Variants in NEK11 observed in about 807,000 individuals in gnomAD.
The protein encoded by NEK11 is NIMA related kinase 11.
In NEK11, 72 loss-of-function variants were observed where a neutral mutation model predicts 80.7. The ratio of observed to expected loss-of-function variants is 0.89; its 90% CI spans 0.74 to 1.08. The LOEUF is 1.08. Among genes scored for constraint, NEK11 ranks in the 50% least tolerant of loss-of-function variants. NEK11 has a pLI of 0.00. For synonymous variants in NEK11, 251 were observed against 260.7 expected (o/e 0.96, Z 0.36); for missense variants, 764 against 763.6 (o/e 1.00, Z -0.01).
At chr3:131,168,578 G>C (rs1186211028) in intron 12 of NEK11, among the ~76,000 whole-genome samples, 1 of 151,660 alleles carries the variant, frequency 6.6e-6, no homozygotes, top group African/African-American at 2.4e-5. Context: ...GGATGGTCTC[G>C]ATCTCCTGAC....
chr3:131,122,885 A>G (rs2082636679), intron 5 of NEK11, among the ~76,000 whole-genome samples: 1 of 152,162 alleles, frequency 6.6e-6, no homozygotes, highest in Admixed American at 6.5e-5. Context: ...TTGAACCAGA[A>G]ACTGTCAGCA....
chr3:131,309,987 TAAAAAAAAAAAAAAAAAAAAAA>T (rs558210123), intron 17 of NEK11, among the ~76,000 whole-genome samples: 4 of 23,308 alleles, frequency 1.7e-4, no homozygotes, highest in Admixed American at 6.9e-4. Context: ...AGACCATGTT[TAAAAAAAAAAAAAAAAAAAAAA>T]AAAAAAAAAA....
At chr3:131,078,509 G>T (rs554391572) in intron 3 of NEK11, among the ~76,000 whole-genome samples, 27 of 151,866 alleles carry the variant, frequency 1.8e-4, no homozygotes, top group Non-Finnish European at 3.4e-4. Flanking sequence ...TGGGATGGGG[G>T]AATACTATAC....
At chr3:131,102,004 G>T (rs2078437783) in intron 4 of NEK11, among the ~76,000 whole-genome samples, 1 of 151,976 alleles carries the variant, frequency 6.6e-6, no homozygotes, top group Admixed American at 6.6e-5. Flanking sequence ...ATTTTTGTTG[G>T]TTTAAAATCT....
rs540507813 is a variant in NEK11, at chr3:131,113,266, T to C, written c.455+3345T>C. ...AATTATGAATATGCTGGGTAGAATA[T>C]GGAGAGAGAAGAAGGAGAGGGAGGA... On this transcript the variant is annotated intron_variant, in intron 5 of 17. Transcript: ENST00000383366. Among the ~76,000 whole-genome samples the C allele has an allele frequency of 7.9e-5, 12 of 151,782 alleles. No individual in the cohort carries two copies. In the South Asian group the frequency reaches 2.3e-3, roughly 29 times the overall value.
At chr3:131,243,948 T>G (rs761524589) in intron 16 of NEK11, among the ~76,000 whole-genome samples, 62 of 152,102 alleles carry the variant, frequency 4.1e-4, no homozygotes, top group Non-Finnish European at 5.6e-4. Context: ...TCAGTCTCAA[T>G]AAATAGGATT....
At chr3:131,141,908 G>C (rs2086987303) in intron 7 of NEK11, among the ~76,000 whole-genome samples, 2 of 152,196 alleles carry the variant, frequency 1.3e-5, no homozygotes, top group African/African-American at 4.8e-5. Context: ...TCTGGAGTAT[G>C]AGAATCTGCT....
intron 9 of NEK11, among the ~76,000 whole-genome samples, 158 bp downstream of exon 9, chr3:131,152,867 C>T (rs1213464479): frequency 1.3e-5 from 2 of 152,016 alleles, no homozygotes; most frequent in African/African-American, 4.8e-5. Context: ...GGATGGATCA[C>T]GAGGTCAAGA....
chr3:131,051,357 A>G (rs1050035853), intron 3 of NEK11, among the ~76,000 whole-genome samples: 9 of 152,180 alleles, frequency 5.9e-5, no homozygotes, highest in African/African-American at 2.2e-4. Context: ...TACTTCCAAA[A>G]TAAGTTAGTA....
chr3:131,253,423 G>T (rs1401010630), intron 16 of NEK11, among the ~76,000 whole-genome samples: 1 of 152,092 alleles, frequency 6.6e-6, no homozygotes, highest in Non-Finnish European at 1.5e-5. Flanking sequence ...CAGAAAAAAA[G>T]TCCAGAATGA....
At chr3:131,289,016 A>G (rs1224361756) in intron 17 of NEK11, among the ~76,000 whole-genome samples, 1 of 152,200 alleles carries the variant, frequency 6.6e-6, no homozygotes, top group Non-Finnish European at 1.5e-5. Flanking sequence ...AATCAGGTGT[A>G]TTAGTCTGCT....
intron 3 of NEK11, among the ~76,000 whole-genome samples, chr3:131,063,540 A>G (rs957769923): frequency 3.3e-5 from 5 of 152,228 alleles, no homozygotes; most frequent in Non-Finnish European, 5.9e-5. Context: ...AAAAGGATAC[A>G]GAGATAGGAT....
chr3:131,145,469 GGTCTCATAGTCTGTGT>G (rs1407156591), intron 7 of NEK11, among the ~76,000 whole-genome samples: 1 of 152,128 alleles, frequency 6.6e-6, no homozygotes, highest in Non-Finnish European at 1.5e-5. Flanking sequence ...TTCCATAGAA[GGTCTCATAGTCTGTGT>G]GCCCTATATT....
intron 3 of NEK11, among the ~76,000 whole-genome samples, chr3:131,031,612 G>A (rs767433620): frequency 9.9e-5 from 15 of 152,144 alleles, no homozygotes; most frequent in Non-Finnish European, 2.1e-4. Context: ...TAAGTGAGTG[G>A]AGAGAGTGTG....
intron 14 of NEK11, among the ~76,000 whole-genome samples, chr3:131,188,253 A>G (rs2093667698): frequency 6.6e-6 from 1 of 152,176 alleles, no homozygotes; most frequent in Non-Finnish European, 1.5e-5. Context: ...ATTAAATTGT[A>G]TGATTTTAAG....
chr3:131,283,432 A>T (rs563924734), intron 17 of NEK11, among the ~76,000 whole-genome samples: 1 of 151,936 alleles, frequency 6.6e-6, no homozygotes, highest in East Asian at 1.9e-4. Context: ...GTCATATTTT[A>T]TGCCCTTTCA....
At chr3:131,341,343 T>C (rs1305172566) in intron 17 of NEK11, among the ~76,000 whole-genome samples, 2 of 152,224 alleles carry the variant, frequency 1.3e-5, no homozygotes, top group East Asian at 3.8e-4. Flanking sequence ...AAATGTTTAA[T>C]CTTTATTTTT....
chr3:131,155,295 G>C (rs1376473070), intron 10 of NEK11, among the ~76,000 whole-genome samples, 174 bp downstream of exon 10: 1 of 152,184 alleles, frequency 6.6e-6, no homozygotes, highest in Non-Finnish European at 1.5e-5. Flanking sequence ...CTTTACCCCA[G>C]GTGGTAGCAA....
chr3:131,297,875 T>C (rs2096614243), intron 17 of NEK11, among the ~76,000 whole-genome samples: 1 of 152,232 alleles, frequency 6.6e-6, no homozygotes, highest in South Asian at 2.1e-4. Flanking sequence ...TTCGGCTTTC[T>C]ACATATGGCT....
Sources: allele counts gnomAD v4.1 joint callset (sites outside exome capture counted in the v4.1 genomes callset), GRCh38; gene constraint gnomAD v4.1.1; transcripts MANE v1.5; gene names NCBI Gene and HGNC (gene_info 2026-07-23, HGNC 2026-07-21).